The following AAGAB variants were observed in gnomAD, a reference collection of about 807,000 sequenced individuals.
AAGAB encodes alpha and gamma adaptin binding protein.
A neutral mutation model predicts 44.1 loss-of-function variants in AAGAB; 38 were observed. That is an observed-to-expected ratio of 0.86 (90% CI 0.67 to 1.13). AAGAB has a LOEUF of 1.13. Ranked by LOEUF, AAGAB falls within the 50% of genes most tolerant of loss-of-function variation. The pLI is 0.00. For synonymous variants in AAGAB, 131 were observed against 131.8 expected (o/e 0.99, Z 0.04); for missense variants, 450 against 373.8 (o/e 1.20, Z -1.68).
chr15:67,248,893 A>G (rs551217992), intron 1 of AAGAB, among the ~76,000 whole-genome samples: 31 of 152,218 alleles, frequency 2.0e-4, no homozygotes, highest in Non-Finnish European at 3.7e-4. Flanking sequence ...TTTCTACTCC[A>G]TAACTAAATT....
At chr15:67,206,428 T>G (rs1158588556) in intron 7 of AAGAB, among the ~76,000 whole-genome samples, 1 of 152,236 alleles carries the variant, frequency 6.6e-6, no homozygotes, top group Non-Finnish European at 1.5e-5. Context: ...ACTTTTAGAC[T>G]ATGCAGATAT....
intron 5 of AAGAB, among the ~76,000 whole-genome samples, chr15:67,219,181 C>A (rs1279950000): frequency 1.3e-5 from 2 of 152,208 alleles, no homozygotes; most frequent in African/African-American, 4.8e-5. Context: ...CACCAGGAAC[C>A]TTTTAAGACA....
chr15:67,235,916 C>T (rs1372868617), intron 4 of AAGAB, 63 bp downstream of exon 4: 3 of 1,248,832 alleles, frequency 2.4e-6, no homozygotes, highest in Non-Finnish European at 3.4e-6. Flanking sequence ...ATTCTTCTTC[C>T]CTGAATTAAA....
At chr15:67,237,046 C>A (rs923981045) in intron 1 of AAGAB, among the ~76,000 whole-genome samples, 6 of 151,870 alleles carry the variant, frequency 4.0e-5, no homozygotes, top group Non-Finnish European at 7.4e-5. Context: ...TTTAAGAACA[C>A]AAAAATCATT....
chr15:67,254,646 G>C lies in AAGAB; in HGVS notation c.-15C>G. 6.2e-7 allele frequency: 1 copy of C among 1,600,526 alleles called. No homozygotes were observed. Among genetic ancestry groups the C allele is most frequent in the Non-Finnish European group, 8.5e-7 (1 of 1,175,528 alleles). ...CCAGCAGCCATAGCTGCGCTCGCGA[G>C]CCGGTTCCGTCAGGCAGCCGCTTCC... is the stretch of plus-strand genomic sequence containing the variant. On this transcript the variant is annotated 5_prime_UTR_variant, in exon 1 of 10. Transcript: ENST00000261880.
chr15:67,214,697 G>A (rs890476204), intron 5 of AAGAB, among the ~76,000 whole-genome samples: 1 of 151,814 alleles, frequency 6.6e-6, no homozygotes, highest in South Asian at 2.1e-4. Context: ...CTGGAGTGCA[G>A]TGGCGCGATC....
chr15:67,251,754 T>G (rs927719088), intron 1 of AAGAB, among the ~76,000 whole-genome samples: 1 of 152,196 alleles, frequency 6.6e-6, no homozygotes, highest in African/African-American at 2.4e-5. Context: ...CGGCCTAATA[T>G]CACCGAACAC....
intron 1 of AAGAB, among the ~76,000 whole-genome samples, chr15:67,246,480 T>C (rs1256579714): frequency 6.6e-6 from 1 of 152,142 alleles, no homozygotes; most frequent in Non-Finnish European, 1.5e-5. Context: ...ATAAGAATTA[T>C]TAGAAACGTA....
intron 7 of AAGAB, among the ~76,000 whole-genome samples, chr15:67,205,647 C>A (rs1438937697): frequency 6.6e-6 from 1 of 152,152 alleles, no homozygotes; most frequent in East Asian, 1.9e-4. Flanking sequence ...CTGAATGCTG[C>A]CACGAGGTCA....
chr15:67,231,996 G>T, intron 4 of AAGAB, 99 bp from the exon 5 acceptor site: 1 of 963,382 alleles, frequency 1.0e-6, no homozygotes. Context: ...GCTCATGCCT[G>T]TAATCCCAGC....
intron 5 of AAGAB, among the ~76,000 whole-genome samples, chr15:67,230,791 G>A (rs150791908): frequency 3.9e-5 from 6 of 152,080 alleles, no homozygotes; most frequent in South Asian, 2.1e-4. Flanking sequence ...ACATTACCCC[G>A]GGCCCCAGCA....
chr15:67,241,548 G>A (rs1037688450), intron 1 of AAGAB, among the ~76,000 whole-genome samples: 1 of 152,000 alleles, frequency 6.6e-6, no homozygotes, highest in Non-Finnish European at 1.5e-5. Flanking sequence ...GAAGGGAGAA[G>A]AGCATGGAAA....
Position 67,236,716 on chromosome 15 carries a change from G to T in AAGAB, c.178C>A (p.Leu60Ile). 2.5e-6 allele frequency: 4 copies of T among 1,613,790 alleles called. No individual in the cohort carries two copies. The highest frequency in any genetic ancestry group is 3.4e-6 in the Non-Finnish European group (4 of 1,179,722). The change falls in exon 2 of 10, where the codon CTA (leucine) becomes ATA (isoleucine). Residue 60 changes from leucine (L) to isoleucine (I), a missense_variant. By Grantham distance (5) the Leu-to-Ile change is conservative. Transcript: ENST00000261880. ...DNKYYSADIN[L>I]CVVPNKFLVT... Reference sequence around the variant, plus strand: ...AGAAATTTGTTTGGCACCACACATAGATTGATGTCTGCTGAATAGTATTTA... The same window carrying T: ...AGAAATTTGTTTGGCACCACACATATATTGATGTCTGCTGAATAGTATTTA...
chr15:67,253,247 A>AAACCCCG lies in AAGAB; in HGVS notation c.73+1305_73+1311dup, dbSNP rs1399381720. Among the ~76,000 whole-genome samples the AAACCCCG allele has an allele frequency of 7.2e-4, 88 of 121,570 alleles. 3 individuals carry two copies. In the East Asian group the frequency reaches 0.014, roughly 20 times the overall value. The allele number at this position is 121,570 out of a possible 152,430, so 79.8% of individuals were successfully genotyped here. ...CCAGACCAGCCTGGGCAACATGGCC[A>AAACCCCG]AACCCCGTATGACGGGGGGGGGGGG... On this transcript the variant is annotated intron_variant, in intron 1 of 9. Coordinates refer to ENST00000261880, the MANE Select transcript of AAGAB (RefSeq NM_024666.5).
intron 5 of AAGAB, among the ~76,000 whole-genome samples, chr15:67,228,075 C>T (rs1964245800): frequency 6.6e-6 from 1 of 152,114 alleles, no homozygotes; most frequent in African/African-American, 2.4e-5. Flanking sequence ...GGCATTTTTT[C>T]AGGAAACACA....
intron 1 of AAGAB, among the ~76,000 whole-genome samples, chr15:67,247,179 C>A (rs1041731949): frequency 1.3e-5 from 2 of 151,990 alleles, no homozygotes; most frequent in African/African-American, 2.4e-5. Flanking sequence ...AGCGAGACCA[C>A]GAACCCACCA....
chr15:67,211,298 AGC>A (rs1963813812), intron 5 of AAGAB, among the ~76,000 whole-genome samples: 1 of 152,224 alleles, frequency 6.6e-6, no homozygotes, highest in Non-Finnish European at 1.5e-5. Context: ...CAACAGTGGC[AGC>A]ATGGTCAGAG....
chr15:67,247,084 C>G (rs1964744261), intron 1 of AAGAB, among the ~76,000 whole-genome samples: 1 of 152,208 alleles, frequency 6.6e-6, no homozygotes, highest in Non-Finnish European at 1.5e-5. Flanking sequence ...CAAGAACCCA[C>G]TGGGAGGAAC....
At chr15:67,254,286 C>T in intron 1 of AAGAB, 1 of 790,390 alleles carries the variant, frequency 1.3e-6, no homozygotes, top group Non-Finnish European at 1.8e-6. Context: ...AACGGATCCT[C>T]GCAAAAACCT....
Sources: allele counts gnomAD v4.1 joint callset (sites outside exome capture counted in the v4.1 genomes callset), GRCh38; gene constraint gnomAD v4.1.1; transcripts MANE v1.5; gene names NCBI Gene and HGNC (gene_info 2026-07-23, HGNC 2026-07-21).